The following MAP4K4 variants were observed in gnomAD, a reference collection of about 807,000 sequenced individuals.
MAP4K4 encodes mitogen-activated protein kinase kinase kinase kinase 4.
In MAP4K4, 38 loss-of-function variants were observed where a neutral mutation model predicts 189.6. That is an observed-to-expected ratio of 0.20 (90% CI 0.15 to 0.26). The LOEUF (loss-of-function observed/expected upper bound fraction) is 0.26. Ranked by LOEUF, MAP4K4 falls within the 10% of genes least tolerant of loss-of-function variation. The pLI, the probability that MAP4K4 is intolerant of heterozygous loss-of-function variation, is 1.00. For synonymous variants in MAP4K4, 610 were observed against 624.3 expected, an observed-to-expected ratio of 0.98 and a Z score of 0.34; for missense variants, 1,054 against 1,726.9, an observed-to-expected ratio of 0.61 and a Z score of 6.91.
intron 14 of MAP4K4, 72 bp from the exon 15 acceptor site, chr2:101,859,571 C>A: frequency 8.4e-7 from 1 of 1,185,692 alleles, no homozygotes; most frequent in Non-Finnish European, 1.2e-6. Flanking sequence ...TTTTTAAAAG[C>A]CGAACAAATC....
intron 2 of MAP4K4, among the ~76,000 whole-genome samples, chr2:101,768,591 T>A (rs2079805655): frequency 6.6e-6 from 1 of 152,220 alleles, no homozygotes; most frequent in Admixed American, 6.5e-5. Flanking sequence ...GTAATACGTC[T>A]TTTACCCATC....
At chr2:101,876,363 G>C (rs113953205) in intron 26 of MAP4K4, among the ~76,000 whole-genome samples, 1 of 152,096 alleles carries the variant, frequency 6.6e-6, no homozygotes, top group Non-Finnish European at 1.5e-5. Flanking sequence ...AGACTGTGAC[G>C]GTACAAGGTT....
rs554068666 is a variant in MAP4K4 at position 101,843,915 on chromosome 2, T to C, written c.1023-186T>C. 5.3e-5 allele frequency among the ~76,000 whole-genome samples: 8 copies of C among 152,288 alleles called. No individual in the cohort carries two copies. The South Asian group carries it at 1.7e-3, about 32-fold the overall frequency. On this transcript the variant is annotated intron_variant, in intron 11 of 32. Transcript: ENST00000324219. Reference sequence around the variant, plus strand: ...CATTTTAAGATATTTACTAAATAAGTAAAAGAAGATATGGGACTATTGAAT... The same window carrying C: ...CATTTTAAGATATTTACTAAATAAGCAAAAGAAGATATGGGACTATTGAAT...
At chr2:101,887,752 C>G in intron 30 of MAP4K4, 26 bp from the exon 31 acceptor site, 1 of 1,585,876 alleles carries the variant, frequency 6.3e-7, no homozygotes, top group Non-Finnish European at 8.6e-7. Flanking sequence ...AGACGTTCTT[C>G]CCTGTACTTT....
At chr2:101,850,960 A>G (rs1253820182) in intron 12 of MAP4K4, among the ~76,000 whole-genome samples, 2 of 152,078 alleles carry the variant, frequency 1.3e-5, no homozygotes, top group Admixed American at 1.3e-4. Flanking sequence ...GTTCTTGGAA[A>G]TAGCAGTCCA....
chr2:101,869,890 C>T, intron 22 of MAP4K4, 93 bp downstream of exon 22: 2 of 1,423,700 alleles, frequency 1.4e-6, no homozygotes, highest in Admixed American at 2.9e-5. Flanking sequence ...ATTCCGTGAC[C>T]CCATGAGCAC....
chr2:101,789,563 T>C (rs2092472165), intron 2 of MAP4K4, among the ~76,000 whole-genome samples: 1 of 152,220 alleles, frequency 6.6e-6, no homozygotes, highest in African/African-American at 2.4e-5. Flanking sequence ...AGTTGCTTTG[T>C]CCAAGTTGTA....
At chr2:101,883,747 C>T (rs1190256281) in intron 28 of MAP4K4, among the ~76,000 whole-genome samples, 4 of 152,028 alleles carry the variant, frequency 2.6e-5, no homozygotes, top group East Asian at 1.9e-4. Flanking sequence ...TCATCAGTTC[C>T]TCTGTTCCGA....
At chr2:101,779,128 A>G (rs2085905915) in intron 2 of MAP4K4, among the ~76,000 whole-genome samples, 1 of 152,164 alleles carries the variant, frequency 6.6e-6, no homozygotes, top group Non-Finnish European at 1.5e-5. Flanking sequence ...TTGTTGAGAG[A>G]ATGAACACAC....
chr2:101,845,398 G>A (rs1300300349), intron 12 of MAP4K4, among the ~76,000 whole-genome samples: 1 of 152,068 alleles, frequency 6.6e-6, no homozygotes, highest in Non-Finnish European at 1.5e-5. Context: ...TACAGTCATG[G>A]GTCGCTTAAT....
intron 3 of MAP4K4, among the ~76,000 whole-genome samples, chr2:101,816,290 A>G (rs1476205592): frequency 1.3e-5 from 2 of 152,138 alleles, no homozygotes; most frequent in African/African-American, 4.8e-5. Context: ...AGTTCCCTTC[A>G]TTCTTTTTTA....
intron 2 of MAP4K4, among the ~76,000 whole-genome samples, chr2:101,706,712 T>C (rs1210825789): frequency 6.6e-6 from 1 of 152,228 alleles, no homozygotes; most frequent in African/African-American, 2.4e-5. Context: ...GGACCTGGCA[T>C]GTAGCTATTA....
intron 2 of MAP4K4, among the ~76,000 whole-genome samples, chr2:101,740,364 C>T (rs1190830177): frequency 1.5e-5 from 2 of 133,152 alleles, no homozygotes; most frequent in Non-Finnish European, 1.5e-5. Flanking sequence ...CGTTTTTAGC[C>T]GGGATGGTCT....
chr2:101,867,158 C>A, intron 19 of MAP4K4, 54 bp from the exon 20 acceptor site: 1 of 1,185,554 alleles, frequency 8.4e-7, no homozygotes, highest in Non-Finnish European at 1.2e-6. Context: ...CTTCATAATA[C>A]ACATCCATAT....
intron 3 of MAP4K4, among the ~76,000 whole-genome samples, chr2:101,798,077 C>T (rs2148929748): frequency 6.6e-6 from 1 of 150,508 alleles, no homozygotes; most frequent in Non-Finnish European, 1.5e-5. Context: ...GTGCCACCTA[C>T]AATAATTTTT....
intron 13 of MAP4K4, 86 bp downstream of exon 13, chr2:101,856,224 A>T: frequency 7.8e-7 from 1 of 1,286,280 alleles, no homozygotes; most frequent in Non-Finnish European, 1.1e-6. Context: ...GTATACACAC[A>T]TGTGATGCAT....
intron 3 of MAP4K4, among the ~76,000 whole-genome samples, chr2:101,811,240 G>A (rs144866002): frequency 0.011 from 1,615 of 151,730 alleles, 37 homozygotes; most frequent in African/African-American, 0.037. Context: ...GCTTGGTGGC[G>A]GGTGCCTGTA....
At chr2:101,727,861 CG>C (rs1476581511) in intron 2 of MAP4K4, among the ~76,000 whole-genome samples, 1 of 152,102 alleles carries the variant, frequency 6.6e-6, no homozygotes, top group Non-Finnish European at 1.5e-5. Context: ...TCCAGCTACT[CG>C]GGAGGTTGAG....
chr2:101,805,754 G>A (rs2094866116), intron 3 of MAP4K4, among the ~76,000 whole-genome samples: 2 of 152,200 alleles, frequency 1.3e-5, no homozygotes, highest in Non-Finnish European at 1.5e-5. Flanking sequence ...GCTGGCGTGT[G>A]ATGACTTGGG....
Sources: allele counts gnomAD v4.1 joint callset (sites outside exome capture counted in the v4.1 genomes callset), GRCh38; gene constraint gnomAD v4.1.1; transcripts MANE v1.5; gene names NCBI Gene and HGNC (gene_info 2026-07-23, HGNC 2026-07-21).